ATG4B: variants seen among roughly 807,000 people sequenced by gnomAD.
ATG4B encodes autophagy related 4B cysteine peptidase.
Under a neutral mutation model 56.6 loss-of-function variants are expected in ATG4B, and 29 were observed. That is an observed-to-expected ratio of 0.51 (90% CI 0.38 to 0.70). The LOEUF (loss-of-function observed/expected upper bound fraction) is 0.70, where lower values mean the gene tolerates loss of function less well. Among genes scored for constraint, ATG4B ranks in the 30% least tolerant of loss-of-function variants. ATG4B has a pLI of 0.00. For synonymous variants in ATG4B, 224 were observed against 206.1 expected (o/e 1.09, Z -0.74); for missense variants, 461 against 515.5 (o/e 0.89, Z 1.02).
chr2:241,653,300 T>G, intron 3 of ATG4B: 2 of 1,538,658 alleles, frequency 1.3e-6, no homozygotes, highest in Non-Finnish European at 1.8e-6. Context: ...GTTTTGCCCA[T>G]TTTGAGGAGG....
At chr2:241,644,766 A>G (rs1398164270) in intron 1 of ATG4B, among the ~76,000 whole-genome samples, 4 of 152,104 alleles carry the variant, frequency 2.6e-5, no homozygotes, top group African/African-American at 4.8e-5. Flanking sequence ...CCTGACCAAC[A>G]TGGGAGAAAC....
chr2:241,654,698 T>A, intron 5 of ATG4B, 51 bp downstream of exon 5: 1 of 1,475,506 alleles, frequency 6.8e-7, no homozygotes, highest in Non-Finnish European at 9.3e-7. Flanking sequence ...CTGGAGAGGG[T>A]GGAGTGGTCG....
chr2:241,641,456 A>G (rs572472924), intron 1 of ATG4B, among the ~76,000 whole-genome samples: 1 of 151,802 alleles, frequency 6.6e-6, no homozygotes, highest in South Asian at 2.1e-4. Flanking sequence ...AGGCTGAGGC[A>G]GGAGAATGGC....
chr2:241,652,855 T>C (rs2068264399), intron 3 of ATG4B, among the ~76,000 whole-genome samples: 1 of 152,236 alleles, frequency 6.6e-6, no homozygotes, highest in Admixed American at 6.5e-5. Context: ...GTCTGACCCC[T>C]GAATCTCTGC....
chr2:241,645,164 C>A (rs918072565), intron 1 of ATG4B, among the ~76,000 whole-genome samples: 7 of 152,092 alleles, frequency 4.6e-5, no homozygotes, highest in African/African-American at 7.2e-5. Flanking sequence ...TCCTTCCTGT[C>A]CTCCAGCATG....
intron 8 of ATG4B, chr2:241,667,897 G>A: frequency 2.0e-6 from 1 of 491,894 alleles, no homozygotes; most frequent in Admixed American, 3.6e-5. Flanking sequence ...CTCACTCCCG[G>A]CCTCCCCAAA....
chr2:241,650,328 C>T (rs979753882), intron 1 of ATG4B, among the ~76,000 whole-genome samples: 1 of 152,144 alleles, frequency 6.6e-6, no homozygotes, highest in African/African-American at 2.4e-5. Flanking sequence ...TCTCAGTGTC[C>T]AGGGGTTAAC....
chr2:241,654,864 G>GC (rs1373196596), intron 5 of ATG4B: 2 of 586,942 alleles, frequency 3.4e-6, no homozygotes, highest in Non-Finnish European at 6.0e-6. Flanking sequence ...CCTGGGCCTT[G>GC]CCCTTCCTGC....
chr2:241,645,977 C>A (rs1451609919), intron 1 of ATG4B, among the ~76,000 whole-genome samples: 3 of 152,130 alleles, frequency 2.0e-5, no homozygotes, highest in African/African-American at 7.2e-5. Context: ...TGTTCACTGC[C>A]AAGCACCGTG....
At chr2:241,652,032 TC>T in intron 3 of ATG4B, 1 of 1,227,136 alleles carries the variant, frequency 8.1e-7, no homozygotes, top group Non-Finnish European at 1.1e-6. Context: ...TGGTCCCTCT[TC>T]TAGGGGTGGT....
chr2:241,658,451 G>A (rs770803808), intron 6 of ATG4B, among the ~76,000 whole-genome samples: 2 of 151,636 alleles, frequency 1.3e-5, no homozygotes, highest in African/African-American at 4.8e-5. Context: ...TTCTGTCCCC[G>A]GGAGCACCAG....
intron 1 of ATG4B, among the ~76,000 whole-genome samples, chr2:241,646,603 C>T (rs887792646): frequency 6.6e-6 from 1 of 152,088 alleles, no homozygotes; most frequent in Admixed American, 6.5e-5. Flanking sequence ...CAGATACTCT[C>T]GAGATGCCAG....
rs188250506 is a variant in ATG4B, at chr2:241,668,941, G to A, written c.957+256G>A. On this transcript the variant is annotated intron_variant, in intron 10 of 12. Transcript: ENST00000404914. The surrounding 1 kb of genome is among the most constrained non-coding windows in gnomAD (Gnocchi z 4.2). Reference sequence around the variant, plus strand: ...AGAGAGCGTGTGTCTGGATGTGAGCGTGTGTGGGCGCGTGCTGAGTGTGCA... The same window carrying A: ...AGAGAGCGTGTGTCTGGATGTGAGCATGTGTGGGCGCGTGCTGAGTGTGCA... The A allele has an allele frequency of 9.9e-5, 53 of 534,704 alleles. No individual in the cohort carries two copies. The highest frequency in any genetic ancestry group is 4.4e-4 in the East Asian group (13 of 29,380). The allele number at this position is 534,704 out of a possible 1,614,324, so 33.1% of individuals were successfully genotyped here.
intron 1 of ATG4B, among the ~76,000 whole-genome samples, chr2:241,646,014 G>A (rs951621213): frequency 1.3e-5 from 2 of 152,150 alleles, no homozygotes; most frequent in Admixed American, 6.5e-5. Context: ...GCTCCCCTGG[G>A]GTTTCCTGGT....
intron 7 of ATG4B, among the ~76,000 whole-genome samples, chr2:241,661,770 C>T (rs1022950926): frequency 2.6e-5 from 4 of 152,094 alleles, no homozygotes; most frequent in Non-Finnish European, 5.9e-5. Context: ...GCAACTCATC[C>T]TTCTGTCCAC....
chr2:241,639,061 T>C (rs1213858282), intron 1 of ATG4B, among the ~76,000 whole-genome samples: 1 of 152,082 alleles, frequency 6.6e-6, no homozygotes, highest in Non-Finnish European at 1.5e-5. Context: ...GGCACCTGGT[T>C]TGCACTATGG....
chr2:241,658,139 A>T (rs71430376), intron 6 of ATG4B, among the ~76,000 whole-genome samples: 4,556 of 152,218 alleles, frequency 0.03, 102 homozygotes, highest in Middle Eastern at 0.068. Context: ...GCCCTCCGCC[A>T]GGTCAGCTTT....
intron 12 of ATG4B, chr2:241,671,915 G>T: frequency 7.3e-7 from 1 of 1,362,172 alleles, no homozygotes; most frequent in Non-Finnish European, 9.5e-7. Context: ...CACTCCTGAT[G>T]ACCACGAGGG....
At chr2:241,672,155 C>T (rs2068998640) in intron 12 of ATG4B, 36 bp from the exon 13 acceptor site, 1 of 1,555,812 alleles carries the variant, frequency 6.4e-7, no homozygotes, top group Admixed American at 1.9e-5. Flanking sequence ...GTGGCCCACC[C>T]AAGATGCCTG....
Sources: gnomAD v4.1 joint callset for allele counts (sites outside exome capture counted in the v4.1 genomes callset) on GRCh38, gnomAD v4.1.1 for gene constraint, Gnocchi (gnomAD v3.1) non-coding constraint, MANE v1.5 for transcripts, NCBI Gene and HGNC (gene_info 2026-07-23, HGNC 2026-07-21) for gene names.